ZBTB20: variants seen among roughly 807,000 people sequenced by gnomAD.
ZBTB20 encodes zinc finger and BTB domain-containing protein 20.
A neutral mutation model predicts 56.9 loss-of-function variants in ZBTB20; 9 were observed. The observed-to-expected ratio is 0.16, with a 90% CI of 0.10 to 0.28. ZBTB20 has a LOEUF of 0.28. Among genes scored for constraint, ZBTB20 ranks in the 10% least tolerant of loss-of-function variants. ZBTB20 has a pLI of 1.00. For missense variants in ZBTB20, 655 were observed against 1,003.0 expected (o/e 0.65, Z 4.69); for synonymous variants, 417 against 420.7 (o/e 0.99, Z 0.11).
At chr3:115,146,267 T>C (rs2084966987) in intron 1 of ZBTB20, among the ~76,000 whole-genome samples, 2 of 151,966 alleles carry the variant, frequency 1.3e-5, no homozygotes, top group Non-Finnish European at 2.9e-5. Context: ...ATGTTTAGTT[T>C]GTGTGTGTGC....
At chr3:114,986,549 T>C (rs1162266448) in intron 2 of ZBTB20, among the ~76,000 whole-genome samples, 3 of 152,130 alleles carry the variant, frequency 2.0e-5, no homozygotes, top group African/African-American at 7.2e-5. Flanking sequence ...GAGAATGTTG[T>C]CAGATACCCT....
At chr3:114,523,995 T>C (rs1000987057) in intron 6 of ZBTB20, among the ~76,000 whole-genome samples, 1 of 152,142 alleles carries the variant, frequency 6.6e-6, no homozygotes, top group African/African-American at 2.4e-5. Flanking sequence ...CACACAGGCA[T>C]GAAATAGATG....
intron 1 of ZBTB20, among the ~76,000 whole-genome samples, chr3:115,111,622 T>C (rs528002271): frequency 6.6e-6 from 1 of 152,178 alleles, no homozygotes; most frequent in Non-Finnish European, 1.5e-5. Context: ...AAACAATAGA[T>C]ATTATAGAAT....
intron 7 of ZBTB20, among the ~76,000 whole-genome samples, chr3:114,471,979 G>T (rs1263243402): frequency 6.6e-6 from 1 of 152,150 alleles, no homozygotes; most frequent in Non-Finnish European, 1.5e-5. Flanking sequence ...GGTGGGAGAA[G>T]GGGATGATAG....
intron 6 of ZBTB20, among the ~76,000 whole-genome samples, chr3:114,544,563 G>T (rs1360157011): frequency 6.7e-6 from 1 of 149,330 alleles, no homozygotes; most frequent in African/African-American, 2.5e-5. Context: ...GAGTGCAGTG[G>T]CATCATCTTG....
chr3:114,853,270 T>C lies in ZBTB20; in HGVS notation c.-417+47034A>G, dbSNP rs149933191. ...CTGTTGCATGTAAGTAACTGGAGCA[T>C]GTGTCCATCAACTTTTGGATGTTCT... On this transcript the variant is annotated intron_variant, in intron 4 of 11. Transcript: ENST00000675478. Among the ~76,000 whole-genome samples the C allele has an allele frequency of 2.5e-3, 378 of 152,322 alleles. 1 individual carries two copies. Among genetic ancestry groups the C allele is most frequent in the African/African-American group, 8.6e-3 (358 of 41,566 alleles).
chr3:114,800,555 G>A (rs1337078711), intron 5 of ZBTB20, among the ~76,000 whole-genome samples: 3 of 151,704 alleles, frequency 2.0e-5, no homozygotes, highest in Non-Finnish European at 2.9e-5. Flanking sequence ...GGGAACACAC[G>A]CACACAAGGG....
intron 5 of ZBTB20, among the ~76,000 whole-genome samples, chr3:114,766,853 T>A (rs933885165): frequency 6.6e-6 from 1 of 152,040 alleles, no homozygotes; most frequent in African/African-American, 2.4e-5. Context: ...CAGAAATCCA[T>A]GATAACATAA....
At chr3:114,706,613 TCACCAG>T (rs1362336558) in intron 5 of ZBTB20, among the ~76,000 whole-genome samples, 1 of 152,062 alleles carries the variant, frequency 6.6e-6, no homozygotes, top group Non-Finnish European at 1.5e-5. Context: ...AATAAAGAAA[TCACCAG>T]CAGGGGTTAG....
chr3:114,751,837 T>C (rs1380869995), intron 5 of ZBTB20, among the ~76,000 whole-genome samples: 1 of 152,178 alleles, frequency 6.6e-6, no homozygotes, highest in African/African-American at 2.4e-5. Flanking sequence ...AATTTTCATC[T>C]ATAAAATCCA....
intron 7 of ZBTB20, among the ~76,000 whole-genome samples, chr3:114,392,676 T>C (rs2085986063): frequency 6.6e-6 from 1 of 152,258 alleles, no homozygotes; most frequent in South Asian, 2.1e-4. Context: ...TTTGTTTAAA[T>C]GTTTACTTGT....
chr3:114,527,112 G>C (rs950286906), intron 6 of ZBTB20: 20 of 152,050 alleles, frequency 1.3e-4, no homozygotes, highest in African/African-American at 4.8e-4. Flanking sequence ...AGTTTAATGG[G>C]TGGAGCACCT....
intron 3 of ZBTB20, among the ~76,000 whole-genome samples, chr3:114,953,411 A>G (rs2077139348): frequency 1.3e-5 from 2 of 152,076 alleles, no homozygotes; most frequent in Non-Finnish European, 2.9e-5. Context: ...AAATATACCA[A>G]TTAAAGACAG....
chr3:115,072,986 A>AG (rs930741752), intron 1 of ZBTB20, among the ~76,000 whole-genome samples: 9 of 152,210 alleles, frequency 5.9e-5, no homozygotes, highest in Admixed American at 4.6e-4. Context: ...ATAAGATAAT[A>AG]TTTACCTCAC....
chr3:114,863,562 C>T (rs2075632350), intron 4 of ZBTB20, among the ~76,000 whole-genome samples: 1 of 152,120 alleles, frequency 6.6e-6, no homozygotes, highest in Admixed American at 6.5e-5. Flanking sequence ...GCTTCCAGGG[C>T]TAATGACCTC....
intron 7 of ZBTB20, among the ~76,000 whole-genome samples, chr3:114,451,617 G>C (rs1482240903): frequency 6.6e-6 from 1 of 152,004 alleles, no homozygotes; most frequent in African/African-American, 2.4e-5. Context: ...GACACACACA[G>C]ATACGCAAAA....
chr3:114,588,438 T>A (rs1002721236), intron 6 of ZBTB20, among the ~76,000 whole-genome samples: 1 of 152,206 alleles, frequency 6.6e-6, no homozygotes, highest in Non-Finnish European at 1.5e-5. Flanking sequence ...CCTTGATGGG[T>A]GGCAAATAAT....
Position 114,339,350 on chromosome 3 carries a change from T to G in ZBTB20, c.1881A>C (p.Thr627=), listed in dbSNP as rs1406609713. ...LKDYLIKHMV[T]HTGVRAYQCS... is the part of the protein sequence containing the mutation. ...ACTGGTATGCCCTCACTCCTGTGTG[T>G]GTCACCATGTGCTTGATAAGGTAAT... Residue 627 remains threonine, a synonymous_variant, in exon 12 of 12, where the codon ACA becomes ACC. Transcript: ENST00000675478. The surrounding 1 kb of genome is among the most constrained non-coding windows in gnomAD (Gnocchi z 4.2). 2.5e-6 allele frequency: 4 copies of G among 1,614,024 alleles called. No homozygotes were observed. In the African/African-American group the frequency reaches 5.3e-5, roughly 22 times the overall value.
intron 3 of ZBTB20, among the ~76,000 whole-genome samples, chr3:114,964,929 C>T (rs2077591540): frequency 6.6e-6 from 1 of 152,052 alleles, no homozygotes; most frequent in Non-Finnish European, 1.5e-5. Context: ...AAATTTCAAA[C>T]CTCCCATAAT....
Sources: allele counts gnomAD v4.1 joint callset (sites outside exome capture counted in the v4.1 genomes callset), GRCh38; gene constraint gnomAD v4.1.1; non-coding constraint Gnocchi (gnomAD v3.1); transcripts MANE v1.5; gene names NCBI Gene and HGNC (gene_info 2026-07-23, HGNC 2026-07-21).